MIPOL1: variants seen among roughly 807,000 people sequenced by gnomAD.
MIPOL1 encodes the protein mirror-image polydactyly 1, also known as mirror-image polydactyly gene 1 protein.
A neutral mutation model predicts 60.9 loss-of-function variants in MIPOL1; 57 were observed. The ratio of observed to expected loss-of-function variants is 0.94; its 90% confidence interval spans 0.76 to 1.17. MIPOL1 has a LOEUF of 1.17. Among genes scored for constraint, MIPOL1 ranks in the 50% most tolerant of loss-of-function variants. The pLI is 0.00. For missense variants in MIPOL1, 551 were observed against 511.6 expected (o/e 1.08, Z -0.74); for synonymous variants, 179 against 168.8 (o/e 1.06, Z -0.47).
At chr14:37,337,348 ATATATATATTTTTTTTTT>A (rs1309126854) in intron 9 of MIPOL1, among the ~76,000 whole-genome samples, 1 of 33,646 alleles carries the variant, frequency 3.0e-5, no homozygotes, top group Non-Finnish European at 4.8e-5. Context: ...ATATATATAT[ATATATATATTTTTTTTTT>A]TTTTTTTTTT....
At chr14:37,489,985 C>G (rs1053399520) in intron 11 of MIPOL1, among the ~76,000 whole-genome samples, 1 of 152,118 alleles carries the variant, frequency 6.6e-6, no homozygotes. Flanking sequence ...CGCTGTGCTG[C>G]GAGATCTGCT....
intron 12 of MIPOL1, among the ~76,000 whole-genome samples, chr14:37,534,393 T>G (rs1437846077): frequency 6.6e-6 from 1 of 152,234 alleles, no homozygotes; most frequent in East Asian, 1.9e-4. Context: ...ATTGACTTTC[T>G]TTTATTCTTG....
At chr14:37,395,779 G>A (rs1375555989) in intron 10 of MIPOL1, among the ~76,000 whole-genome samples, 1 of 152,080 alleles carries the variant, frequency 6.6e-6, no homozygotes, top group Non-Finnish European at 1.5e-5. Flanking sequence ...CTCTGGCTAG[G>A]ACTTCCAGTA....
chr14:37,413,842 C>T (rs1331916796), intron 10 of MIPOL1, among the ~76,000 whole-genome samples: 3 of 152,146 alleles, frequency 2.0e-5, no homozygotes, highest in East Asian at 1.9e-4. Flanking sequence ...ATCCCATAAA[C>T]GTAGTGCCTC....
chr14:37,303,172 T>C (rs1018023202), intron 7 of MIPOL1, among the ~76,000 whole-genome samples: 8 of 151,912 alleles, frequency 5.3e-5, no homozygotes, highest in African/African-American at 1.7e-4. Context: ...GTCACAACTC[T>C]TTTGAAGTAG....
downstream of MIPOL1, chr14:37,551,912 A>ATAG (rs1315000956): frequency 6.9e-6 from 1 of 145,664 alleles, no homozygotes; most frequent in African/African-American, 2.6e-5. Flanking sequence ...AATAATAATA[A>ATAG]TAATAATAGA....
chr14:37,278,835 T>C (rs1384289538), intron 6 of MIPOL1: 1 of 151,816 alleles, frequency 6.6e-6, no homozygotes, highest in Non-Finnish European at 1.5e-5. Context: ...TAAGAAAATA[T>C]GTACTCTGCC....
chr14:37,197,988 C>G lies in MIPOL1; in HGVS notation c.-315C>G, dbSNP rs1964606578. ...CGCCGGATCGTCTGTGGGTGAGTCT[C>G]GAGCCAGGAGGCTCTGAGCCAGTGG... is the stretch of plus-strand genomic sequence containing the variant. On this transcript the variant is annotated 5_prime_UTR_variant, in exon 1 of 13. Coordinates refer to ENST00000684589, the MANE Select transcript of MIPOL1 (RefSeq NM_001388067.1). The G allele has an allele frequency of 1.3e-5, 2 of 152,286 alleles. No individual in the cohort carries two copies. The highest frequency in any genetic ancestry group is 6.5e-5 in the Admixed American group (1 of 15,304). 9.4% of individuals were successfully genotyped at this position (152,286 alleles called of 1,614,324 possible).
At chr14:37,252,191 C>T (rs189002001) in intron 3 of MIPOL1, among the ~76,000 whole-genome samples, 3 of 151,556 alleles carry the variant, frequency 2.0e-5, no homozygotes, top group African/African-American at 7.2e-5. Flanking sequence ...ATTTTACACA[C>T]AAGTAGTTAT....
intron 9 of MIPOL1, among the ~76,000 whole-genome samples, chr14:37,327,293 CTT>C (rs910367910): frequency 6.2e-5 from 9 of 145,152 alleles, no homozygotes; most frequent in African/African-American, 1.3e-4. Flanking sequence ...AATTCAAAGT[CTT>C]TTTTTTTTTT....
At chr14:37,244,694 G>C (rs1257527662) in intron 1 of MIPOL1, among the ~76,000 whole-genome samples, 1 of 152,030 alleles carries the variant, frequency 6.6e-6, no homozygotes, top group South Asian at 2.1e-4. Context: ...GTTAGCATTT[G>C]GATTAAGAAA....
intron 3 of MIPOL1, among the ~76,000 whole-genome samples, chr14:37,264,675 A>G: frequency 6.6e-6 from 1 of 152,084 alleles, no homozygotes; most frequent in East Asian, 1.9e-4. Context: ...TAATAAAGCA[A>G]GCATGATAAA....
At chr14:37,212,831 T>C (rs1442821894) in intron 1 of MIPOL1, among the ~76,000 whole-genome samples, 2 of 152,162 alleles carry the variant, frequency 1.3e-5, no homozygotes, top group Non-Finnish European at 2.9e-5. Context: ...ACAGGGATAC[T>C]TATGTCACTT....
intron 10 of MIPOL1, among the ~76,000 whole-genome samples, chr14:37,384,132 A>G (rs914040772): frequency 1.3e-5 from 2 of 151,972 alleles, no homozygotes; most frequent in African/African-American, 4.8e-5. Context: ...AGAATTGTCA[A>G]ACTTAATTCT....
Position 37,340,650 on chromosome 14 carries a change from G to C in MIPOL1, c.829-28867G>C, listed in dbSNP as rs193033585. 1.7e-3 allele frequency among the ~76,000 whole-genome samples: 251 copies of C among 150,122 alleles called. 1 individual carries two copies. The highest frequency in any genetic ancestry group is 5.8e-3 in the African/African-American group (237 of 40,786). On this transcript the variant is annotated intron_variant, in intron 9 of 12. Coordinates refer to ENST00000684589, the MANE Select transcript of MIPOL1 (RefSeq NM_001388067.1). ...GGAGATTGAGGCTGCAGTGAGCTAT[G>C]ATCATGCCACCACACTCAGCCTTGG... is the stretch of plus-strand genomic sequence containing the variant.
chr14:37,447,005 C>T (rs2094347047), intron 11 of MIPOL1, among the ~76,000 whole-genome samples: 2 of 151,768 alleles, frequency 1.3e-5, no homozygotes, highest in Admixed American at 1.3e-4. Flanking sequence ...AGCACACCAG[C>T]ATGGCACATG....
intron 10 of MIPOL1, among the ~76,000 whole-genome samples, chr14:37,377,803 A>C (rs1357152238): frequency 1.4e-5 from 2 of 138,940 alleles, no homozygotes; most frequent in East Asian, 4.2e-4. Flanking sequence ...GCTGGAGTGC[A>C]GTGGTATGAT....
chr14:37,224,740 A>G (rs1177653964), intron 1 of MIPOL1, among the ~76,000 whole-genome samples: 2 of 152,096 alleles, frequency 1.3e-5, no homozygotes, highest in Non-Finnish European at 2.9e-5. Flanking sequence ...ATGTTCTCAC[A>G]TTTCAAAACC....
At chr14:37,244,586 T>C (rs749437932) in intron 1 of MIPOL1, among the ~76,000 whole-genome samples, 2 of 152,044 alleles carry the variant, frequency 1.3e-5, no homozygotes, top group Non-Finnish European at 2.9e-5. Context: ...TCACAACTTA[T>C]AAACAAACTT....
Sources: gnomAD v4.1 joint callset for allele counts (sites outside exome capture counted in the v4.1 genomes callset) on GRCh38, gnomAD v4.1.1 for gene constraint, MANE v1.5 for transcripts, NCBI Gene and HGNC (gene_info 2026-07-23, HGNC 2026-07-21) for gene names.